TENT4B: variants seen among roughly 807,000 people sequenced by gnomAD.
TENT4B encodes the protein PAP associated domain containing 5.
A neutral mutation model predicts 75.0 loss-of-function variants in TENT4B; 10 were observed. That is an observed-to-expected ratio of 0.13 (90% CI 0.08 to 0.23). TENT4B has a LOEUF of 0.23. Among genes scored for constraint, TENT4B ranks in the 10% least tolerant of loss-of-function variants. The probability of loss-of-function intolerance (pLI) is 1.00; values close to 1 mark genes in which losing one functional copy is unlikely to be tolerated. For missense variants in TENT4B, 579 were observed against 893.8 expected, an observed-to-expected ratio of 0.65 and a Z score of 4.49; for synonymous variants, 350 against 357.7, an observed-to-expected ratio of 0.98 and a Z score of 0.24.
chr16:50,217,940 ATTT>A (rs758049566), intron 5 of TENT4B, among the ~76,000 whole-genome samples: 9 of 131,586 alleles, frequency 6.8e-5, no homozygotes, highest in Admixed American at 2.3e-4. Context: ...TATTTTTTGT[ATTT>A]TTTTTTTTTT....
intron 1 of TENT4B, among the ~76,000 whole-genome samples, chr16:50,194,780 G>A (rs1375289788): frequency 1.6e-5 from 2 of 121,416 alleles, no homozygotes; most frequent in East Asian, 2.6e-4. Context: ...ACGGAGTCTC[G>A]CTCTGTCACC....
At position 50,223,035 on chromosome 16, in the gene TENT4B, G is replaced by A. The variant is rs1283768162; in HGVS notation, c.1168-139G>A. The stretch of plus-strand genomic sequence containing the variant: ...GTGTGTAACAACAGTATAACCTGCT[G>A]TTAGCCCATTATCAACTGACTGCTA... On this transcript the variant is annotated intron_variant, in intron 6 of 11. Transcript: ENST00000561678. 6.2e-6 allele frequency: 4 copies of A among 640,592 alleles called. No homozygotes were observed. In the East Asian group the frequency reaches 1.1e-4, roughly 18 times the overall value. 39.7% of individuals were successfully genotyped at this position (640,592 alleles called of 1,614,324 possible).
chr16:50,231,843 C>T lies in TENT4B; in HGVS notation c.*2515C>T. The T allele has an allele frequency of 2.0e-6, 2 of 984,474 alleles. No homozygotes were observed. Among genetic ancestry groups the T allele is most frequent in the Non-Finnish European group, 2.4e-6 (2 of 828,840 alleles). 61.0% of individuals were successfully genotyped at this position (984,474 alleles called of 1,614,324 possible). A position where few individuals can be genotyped will look rare whatever the true frequency, so the allele number is the denominator to read the frequency against. On this transcript the variant is annotated 3_prime_UTR_variant, in exon 12 of 12. Coordinates refer to ENST00000561678, the MANE Select transcript of TENT4B (RefSeq NM_001365324.3). ...TTCAAGAACTTTTAGTTTGCCTGCTCATTTGTTTTATACATTTCATCTATT... is the reference window on the plus strand; with the variant it reads ...TTCAAGAACTTTTAGTTTGCCTGCTTATTTGTTTTATACATTTCATCTATT...
At chr16:50,223,113 T>A in intron 6 of TENT4B, 61 bp from the exon 7 acceptor site, 1 of 1,302,516 alleles carries the variant, frequency 7.7e-7, no homozygotes, top group Non-Finnish European at 1.1e-6. Flanking sequence ...ATATAATTTA[T>A]TCCCCCTCTC....
rs1167702206 is a variant in TENT4B, at chr16:50,153,488, G to GAGCAGC, written c.-118_-113dup. ...GACCGCGCCGCCCGCGGCGGGCCCC[G>GAGCAGC]AGCAGCAGCAGCAGCAGCAGCGGCA... On this transcript the variant is annotated 5_prime_UTR_variant, in exon 1 of 12. Transcript: ENST00000561678. 21 of 948,112 alleles carry GAGCAGC rather than the reference G, an allele frequency of 2.2e-5. No homozygotes were observed. The South Asian group carries it at 3.9e-4, about 17-fold the overall frequency. 58.7% of individuals were successfully genotyped at this position (948,112 alleles called of 1,614,324 possible).
rs1479182680 is a variant in TENT4B, at chr16:50,204,491, G to C, written c.639-6832G>C. 4.6e-5 allele frequency among the ~76,000 whole-genome samples: 7 copies of C among 152,102 alleles called. No homozygotes were observed. The East Asian group carries it at 1.4e-3, about 29-fold the overall frequency. ...GTTGTGTTTTGGACTTGTTTAGTTCGAGGTGACATCTTTGTAGGGATGTCT... is the reference window on the plus strand; with the variant it reads ...GTTGTGTTTTGGACTTGTTTAGTTCCAGGTGACATCTTTGTAGGGATGTCT... On this transcript the variant is annotated intron_variant, in intron 1 of 11. Coordinates refer to ENST00000561678, the MANE Select transcript of TENT4B (RefSeq NM_001365324.3).
intron 1 of TENT4B, among the ~76,000 whole-genome samples, chr16:50,168,059 CTT>C (rs1215177387): frequency 6.6e-5 from 10 of 150,748 alleles, no homozygotes; most frequent in South Asian, 2.1e-4. Flanking sequence ...TGAAATGACT[CTT>C]GTTTCCTCAT....
In TENT4B at chr16:50,229,956, A is replaced by C; in HGVS notation, c.*628A>C. On this transcript the variant is annotated 3_prime_UTR_variant, in exon 12 of 12. Coordinates refer to ENST00000561678, the MANE Select transcript of TENT4B (RefSeq NM_001365324.3). ...CAGGATTAGTTTGAAAAATAATCTA[A>C]ATTGTCATCTTAACATCCATATATA... 1.1e-6 allele frequency: 1 copy of C among 945,856 alleles called. No homozygotes were observed. The highest frequency in any genetic ancestry group is 1.3e-6 in the Non-Finnish European group (1 of 793,676). 58.6% of individuals were successfully genotyped at this position (945,856 alleles called of 1,614,324 possible). A position where few individuals can be genotyped will look rare whatever the true frequency, so the allele number is the denominator to read the frequency against.
intron 1 of TENT4B, among the ~76,000 whole-genome samples, chr16:50,209,621 C>T (rs2031173271): frequency 2.6e-5 from 4 of 152,266 alleles, no homozygotes; most frequent in East Asian, 1.9e-4. Context: ...TCATCCTCTA[C>T]GAAAGGCCCA....
Position 50,233,956 on chromosome 16 carries a change from TATC to T in TENT4B, c.*4632_*4634del. ...GTGAACATTTTTATTAGTAGTTGCA[TATC>T]ATCTCTAGTTCCACATTTTAACTTA... On this transcript the variant is annotated 3_prime_UTR_variant, in exon 12 of 12. Transcript: ENST00000561678. The T allele has an allele frequency of 1.0e-6, 1 of 985,470 alleles. No individual in the cohort carries two copies. Among genetic ancestry groups the T allele is most frequent in the Non-Finnish European group, 1.2e-6 (1 of 829,932 alleles). 61.0% of individuals were successfully genotyped at this position (985,470 alleles called of 1,614,324 possible).
At position 50,194,679 on chromosome 16, in the gene TENT4B, AC is replaced by A. The variant is rs372437350; in HGVS notation, c.639-16639del. Among the ~76,000 whole-genome samples the A allele has an allele frequency of 1.4e-4, 17 of 122,668 alleles. No homozygotes were observed. The East Asian group carries it at 3.3e-3, about 24-fold the overall frequency. The allele number at this position is 122,668 out of a possible 152,430, so 80.5% of individuals were successfully genotyped here. ...GATACTTGCACTTCAGCACCCCTCC[AC>A]CCCCACCCGCTCCTTTCCCCCACAG... On this transcript the variant is annotated intron_variant, in intron 1 of 11. Coordinates refer to ENST00000561678, the MANE Select transcript of TENT4B (RefSeq NM_001365324.3).
At position 50,234,717 on chromosome 16, in the gene TENT4B, T is replaced by G; in HGVS notation, c.*5389T>G. The G allele has an allele frequency of 1.0e-6, 1 of 985,396 alleles. No homozygotes were observed. Among genetic ancestry groups the G allele is most frequent in the Non-Finnish European group, 1.2e-6 (1 of 829,916 alleles). 61.0% of individuals were successfully genotyped at this position (985,396 alleles called of 1,614,324 possible). Reference sequence around the variant, plus strand: ...TTAGACGTGTCAAGAGTCTCCAGTCTTTACTACTAAAAAGCAGCACTGCCT... The same window carrying G: ...TTAGACGTGTCAAGAGTCTCCAGTCGTTACTACTAAAAAGCAGCACTGCCT... On this transcript the variant is annotated 3_prime_UTR_variant, in exon 12 of 12. Transcript: ENST00000561678.
chr16:50,229,332 G>T lies in TENT4B; in HGVS notation c.*4G>T. 6.2e-7 allele frequency: 1 copy of T among 1,607,756 alleles called. No individual in the cohort carries two copies. The highest frequency in any genetic ancestry group is 8.5e-7 in the Non-Finnish European group (1 of 1,176,936). On this transcript the variant is annotated 3_prime_UTR_variant, in exon 12 of 12. Coordinates refer to ENST00000561678, the MANE Select transcript of TENT4B (RefSeq NM_001365324.3). Reference sequence around the variant, plus strand: ...CCTCTCAGACCTCTGTAGATAGTCAGCGCTGCGCGGTGGACTGTCTTCTCT... The same window carrying T: ...CCTCTCAGACCTCTGTAGATAGTCATCGCTGCGCGGTGGACTGTCTTCTCT...
intron 5 of TENT4B, among the ~76,000 whole-genome samples, chr16:50,222,082 A>T (rs967982753): frequency 2.6e-5 from 4 of 152,184 alleles, no homozygotes; most frequent in African/African-American, 9.6e-5. Flanking sequence ...AAGTACTTAG[A>T]TACTATTATT....
chr16:50,153,835 GCGGCCTCGGCCCCGGCCC>G lies in TENT4B; in HGVS notation c.220_237del (p.Ser74_Ala79del), dbSNP rs1220992672. 2 of 1,252,310 alleles carry G rather than the reference GCGGCCTCGGCCCCGGCCC, an allele frequency of 1.6e-6. No individual in the cohort carries two copies. Among genetic ancestry groups the G allele is most frequent in the Non-Finnish European group, 2.0e-6 (2 of 1,003,564 alleles). The allele number at this position is 1,252,310 out of a possible 1,614,324, so 77.6% of individuals were successfully genotyped here. ...CAGCAGCACCGGCAGCCCCGGCGGC[GCGGCCTCGGCCCCGGCCC>G]CGGCCCCGGCCGGCATGTATCGCTC... On this transcript the variant is annotated inframe_deletion, in exon 1 of 12. Transcript: ENST00000561678.
intron 1 of TENT4B, among the ~76,000 whole-genome samples, chr16:50,205,515 G>A (rs1376916616): frequency 7.1e-6 from 1 of 141,792 alleles, no homozygotes; most frequent in Admixed American, 7.2e-5. Flanking sequence ...ATGCAAATAG[G>A]AACATTTTGT....
chr16:50,192,933 G>C (rs2029945030), intron 1 of TENT4B, among the ~76,000 whole-genome samples: 1 of 152,156 alleles, frequency 6.6e-6, no homozygotes. Flanking sequence ...AATTAGCTGG[G>C]CATGGTGTTA....
intron 5 of TENT4B, among the ~76,000 whole-genome samples, chr16:50,221,914 C>T (rs1285708566): frequency 6.6e-6 from 1 of 152,118 alleles, no homozygotes; most frequent in Non-Finnish European, 1.5e-5. Flanking sequence ...CAGGCTCCCA[C>T]CACCACTCCT....
At chr16:50,200,577 T>G (rs1219878482) in intron 1 of TENT4B, among the ~76,000 whole-genome samples, 1 of 152,162 alleles carries the variant, frequency 6.6e-6, no homozygotes, top group Non-Finnish European at 1.5e-5. Context: ...TTGAATATTC[T>G]ATTAGGTATA....
Sources: gnomAD v4.1 joint callset for allele counts (sites outside exome capture counted in the v4.1 genomes callset) on GRCh38, gnomAD v4.1.1 for gene constraint, MANE v1.5 for transcripts, NCBI Gene and HGNC (gene_info 2026-07-23, HGNC 2026-07-21) for gene names.